ZBTB10: variants seen among roughly 807,000 people sequenced by gnomAD.
ZBTB10 encodes zinc finger and BTB domain-containing protein 10.
ZBTB10 carries 32 observed loss-of-function variants against 76.4 expected under a neutral mutation model. That is an observed-to-expected ratio of 0.42 (90% CI 0.32 to 0.56). ZBTB10 has a LOEUF of 0.56. Ranked by LOEUF, ZBTB10 falls within the 20% of genes least tolerant of loss-of-function variation. The pLI, the probability that ZBTB10 is intolerant of heterozygous loss-of-function variation, is 0.14. For synonymous variants in ZBTB10, 523 were observed against 432.9 expected, an observed-to-expected ratio of 1.21 and a Z score of -2.58; for missense variants, 1,057 against 1,098.5, an observed-to-expected ratio of 0.96 and a Z score of 0.53.
intron 2 of ZBTB10, among the ~76,000 whole-genome samples, chr8:80,505,791 A>C (rs1816034144): frequency 6.6e-6 from 1 of 152,034 alleles, no homozygotes; most frequent in Non-Finnish European, 1.5e-5. Flanking sequence ...GTGCAGTGTC[A>C]TGATCATGGC....
intron 2 of ZBTB10, among the ~76,000 whole-genome samples, chr8:80,507,394 C>T (rs1401248435): frequency 6.6e-6 from 1 of 151,978 alleles, no homozygotes; most frequent in Non-Finnish European, 1.5e-5. Context: ...GGGTGGTTCA[C>T]AAGGTCAGGA....
At position 80,486,446 on chromosome 8, in the gene ZBTB10, G is replaced by T. The variant is rs1030066909; in HGVS notation, c.-365G>T. On this transcript the variant is annotated 5_prime_UTR_variant, in exon 1 of 6. Coordinates refer to ENST00000455036, the MANE Select transcript of ZBTB10 (RefSeq NM_001105539.3). ...CGGCTTTAAAGAGGGGGCAGCGGAG[G>T]GTCTCCCCGCACTCCGCTGCTCAAC... is the stretch of plus-strand genomic sequence containing the variant. 1.2e-5 allele frequency: 12 copies of T among 985,052 alleles called. No homozygotes were observed. The highest frequency in any genetic ancestry group is 1.4e-5 in the Non-Finnish European group (12 of 829,958). The allele number at this position is 985,052 out of a possible 1,614,324, so 61.0% of individuals were successfully genotyped here. A position where few individuals can be genotyped will look rare whatever the true frequency, so the allele number is the denominator to read the frequency against.
At chr8:80,503,804 G>A (rs1002386307) in intron 2 of ZBTB10, among the ~76,000 whole-genome samples, 6 of 152,178 alleles carry the variant, frequency 3.9e-5, no homozygotes, top group African/African-American at 2.4e-5. Context: ...GAATACAGGC[G>A]TGAGCCACTG....
At chr8:80,512,416 A>G (rs1816217339) in intron 2 of ZBTB10, among the ~76,000 whole-genome samples, 1 of 152,310 alleles carries the variant, frequency 6.6e-6, no homozygotes. Context: ...CAGTATTCAC[A>G]TATGTAATTT....
At chr8:80,518,664 A>T in intron 4 of ZBTB10, 85 bp downstream of exon 4, 1 of 1,484,500 alleles carries the variant, frequency 6.7e-7, no homozygotes, top group Admixed American at 2.5e-5. Flanking sequence ...ATTTTTTAAA[A>T]ACCAAGTAGC....
intron 2 of ZBTB10, among the ~76,000 whole-genome samples, chr8:80,507,193 A>G (rs1816081101): frequency 6.6e-6 from 1 of 151,968 alleles, no homozygotes; most frequent in Non-Finnish European, 1.5e-5. Context: ...CTGTAATCCC[A>G]GCTACTCGGG....
At chr8:80,497,706 T>TTTTTTG (rs1815823124) in intron 1 of ZBTB10, among the ~76,000 whole-genome samples, 1 of 122,792 alleles carries the variant, frequency 8.1e-6, no homozygotes, top group South Asian at 2.9e-4. Context: ...TTTTTTTTTT[T>TTTTTTG]GAGACAGGTC....
At chr8:80,492,899 G>T (rs1815667381) in intron 1 of ZBTB10, among the ~76,000 whole-genome samples, 1 of 152,036 alleles carries the variant, frequency 6.6e-6, no homozygotes, top group Non-Finnish European at 1.5e-5. Flanking sequence ...GGGCATTTAG[G>T]CAGTGCAATT....
rs780532943 is a variant in ZBTB10 at position 80,500,363 on chromosome 8, A to G, written c.1842A>G (p.Leu614=). The change falls in exon 2 of 6, where the codon CTA becomes CTG. Residue 614 remains leucine (L), a synonymous_variant. Coordinates refer to ENST00000455036, the MANE Select transcript of ZBTB10 (RefSeq NM_001105539.3). ...TTGCCTATCCAGAAGAAAATACACTACTCATCAAGGAAGAACCAGGTAAAT... is the reference window on the plus strand; with the variant it reads ...TTGCCTATCCAGAAGAAAATACACTGCTCATCAAGGAAGAACCAGGTAAAT... ...PPVAYPEENT[L]LIKEEPDLDG... is the part of the protein sequence containing the mutation. 3 of 1,570,092 alleles carry G rather than the reference A, an allele frequency of 1.9e-6. No homozygotes were observed. Among genetic ancestry groups the G allele is most frequent in the Non-Finnish European group, 8.6e-7 (1 of 1,159,586 alleles).
chr8:80,496,199 A>C (rs752935988), intron 1 of ZBTB10, among the ~76,000 whole-genome samples: 9 of 152,208 alleles, frequency 5.9e-5, no homozygotes, highest in Non-Finnish European at 1.2e-4. Context: ...TCTGGCACTA[A>C]GAATTTATTA....
Position 80,519,594 on chromosome 8 carries a change from T to TG in ZBTB10, c.*67dup. The TG allele has an allele frequency of 6.8e-7, 1 of 1,471,092 alleles. No homozygotes were observed. Among genetic ancestry groups the TG allele is most frequent in the Non-Finnish European group, 9.1e-7 (1 of 1,094,732 alleles). The allele number at this position is 1,471,092 out of a possible 1,614,324, so 91.1% of individuals were successfully genotyped here. The stretch of plus-strand genomic sequence containing the variant: ...AATATGAATCGACAATTTGGATTGT[T>TG]GAACTTGAAGGCTTGCAAAATATGG... On this transcript the variant is annotated 3_prime_UTR_variant, in exon 6 of 6. Coordinates refer to ENST00000455036, the MANE Select transcript of ZBTB10 (RefSeq NM_001105539.3).
chr8:80,487,439 C>T lies in ZBTB10; in HGVS notation c.629C>T (p.Ser210Leu), dbSNP rs1021975711. ...GGCAGCTGCAGCAGCAGCAGGCGGT[C>T]GGGCGGCGATGGCGGGGACGAAGTG... is the stretch of plus-strand genomic sequence containing the variant. ...EGGSCSSSRRSGGDGGDEVEG... is the reference protein window; with the variant it reads ...EGGSCSSSRRLGGDGGDEVEG... The change falls in exon 1 of 6, where the codon TCG (serine) becomes TTG (leucine). Residue 210 changes from serine (S) to leucine (L), a missense_variant. Ser to Leu is a moderately radical substitution (Grantham distance 145). This residue lies in a region of ZBTB10 where 556 missense variants were observed against 451.7 expected (regional missense o/e 1.23). Coordinates refer to ENST00000455036, the MANE Select transcript of ZBTB10 (RefSeq NM_001105539.3). 9.1e-6 allele frequency: 14 copies of T among 1,545,218 alleles called. No homozygotes were observed. The African/African-American group carries it at 1.6e-4, about 18-fold the overall frequency.
At position 80,501,689 on chromosome 8, in the gene ZBTB10, T is replaced by C. The variant is rs181127112; in HGVS notation, c.1861+1307T>C. On this transcript the variant is annotated intron_variant, in intron 2 of 5. Transcript: ENST00000455036. ...TTTTGTGTATGTATGTGTGTGTGTG[T>C]GTGTGAAATTTTTACTGTGTGAAAA... is the stretch of plus-strand genomic sequence containing the variant. Among the ~76,000 whole-genome samples, 51 of 152,344 alleles carry C rather than the reference T, an allele frequency of 3.3e-4. 1 individual carries two copies. The highest frequency in any genetic ancestry group is 3.3e-4 in the Admixed American group (5 of 15,300).
chr8:80,493,331 C>T (rs748897300), intron 1 of ZBTB10, among the ~76,000 whole-genome samples: 2 of 151,704 alleles, frequency 1.3e-5, no homozygotes, highest in African/African-American at 4.8e-5. Context: ...AATAGATAGA[C>T]TGGAGGTCAT....
intron 1 of ZBTB10, among the ~76,000 whole-genome samples, chr8:80,488,907 C>T (rs972914318): frequency 3.3e-5 from 5 of 152,154 alleles, no homozygotes; most frequent in Non-Finnish European, 7.4e-5. Context: ...GCACCAGTAA[C>T]CCCACAGACA....
Position 80,494,736 on chromosome 8 carries a change from AG to A in ZBTB10, c.973-4755del, listed in dbSNP as rs774363705. 5.9e-5 allele frequency among the ~76,000 whole-genome samples: 9 copies of A among 152,056 alleles called. 2 individuals are homozygous for A. The South Asian group carries it at 1.9e-3, about 32-fold the overall frequency. On this transcript the variant is annotated intron_variant, in intron 1 of 5. Coordinates refer to ENST00000455036, the MANE Select transcript of ZBTB10 (RefSeq NM_001105539.3). ...AGTTTGAGACAAGCCTGGGCAACAC[AG>A]GGAGACTCTTATCTCTACAAAAATT...
Position 80,499,579 on chromosome 8 carries a change from A to G in ZBTB10, c.1058A>G (p.Gln353Arg). 1 of 1,613,968 alleles carries G rather than the reference A, an allele frequency of 6.2e-7. No individual in the cohort carries two copies. Among genetic ancestry groups the G allele is most frequent in the Non-Finnish European group, 8.5e-7 (1 of 1,179,862 alleles). The change falls in exon 2 of 6, where the codon CAA becomes CGA. Residue 353 changes from glutamine to arginine, a missense_variant. Transcript: ENST00000455036. The stretch of plus-strand genomic sequence containing the variant: ...TCTTATTGCTATCAACTTCTGCGAC[A>G]ACTAAATGAACAGAGAAAGAAAGGT... ...ENSYCYQLLR[Q>R]LNEQRKKGIL...
upstream of ZBTB10, chr8:80,485,909 C>A (rs535684247): frequency 1.3e-4 from 194 of 1,531,088 alleles, 2 homozygotes; most frequent in South Asian, 2.2e-3. Flanking sequence ...GGGGAGGCGG[C>A]CAGACCCTGA....
intron 1 of ZBTB10, 101 bp from the exon 2 acceptor site, chr8:80,499,393 T>C: frequency 2.4e-6 from 3 of 1,248,608 alleles, no homozygotes; most frequent in East Asian, 2.5e-5. Flanking sequence ...TTAATATATT[T>C]GATTATCGCT....
Sources: gnomAD v4.1 joint callset for allele counts (sites outside exome capture counted in the v4.1 genomes callset) on GRCh38, gnomAD v4.1.1 for gene constraint, gnomAD v4.1.1 regional missense constraint, MANE v1.5 for transcripts, NCBI Gene and HGNC (gene_info 2026-07-23, HGNC 2026-07-21) for gene names.